Variants in PRKAG2 observed in about 807,000 individuals in gnomAD.
PRKAG2 encodes 5'-AMP-activated protein kinase subunit gamma-2.
PRKAG2 carries 26 observed loss-of-function variants against 69.6 expected under a neutral mutation model. That is an observed-to-expected ratio of 0.37 (90% CI 0.27 to 0.52). The LOEUF is 0.52. Ranked by LOEUF, PRKAG2 falls within the 20% of genes least tolerant of loss-of-function variation. The pLI is 0.90. For synonymous variants in PRKAG2, 293 were observed against 285.0 expected, an observed-to-expected ratio of 1.03 and a Z score of -0.28; for missense variants, 557 against 740.0, an observed-to-expected ratio of 0.75 and a Z score of 2.87.
chr7:151,656,406 A>G (rs1829424073), intron 4 of PRKAG2, among the ~76,000 whole-genome samples: 1 of 152,088 alleles, frequency 6.6e-6, no homozygotes. Flanking sequence ...TAATACAAAC[A>G]TTAGCTGCAC....
At chr7:151,629,312 G>A (rs1823806116) in intron 5 of PRKAG2, among the ~76,000 whole-genome samples, 1 of 152,132 alleles carries the variant, frequency 6.6e-6, no homozygotes, top group African/African-American at 2.4e-5. Flanking sequence ...CCCTGTGCTA[G>A]GCAAGTCCCA....
At chr7:151,601,387 G>A (rs1816034438) in intron 5 of PRKAG2, among the ~76,000 whole-genome samples, 1 of 152,094 alleles carries the variant, frequency 6.6e-6, no homozygotes, top group East Asian at 1.9e-4. Flanking sequence ...TTATTTGAAT[G>A]ATCAGTATCT....
intron 3 of PRKAG2, among the ~76,000 whole-genome samples, chr7:151,706,830 G>A (rs564516720): frequency 5.9e-5 from 9 of 152,214 alleles, no homozygotes; most frequent in African/African-American, 1.9e-4. Flanking sequence ...CGGAGGCCAC[G>A]GTGGTTCCCC....
intron 5 of PRKAG2, among the ~76,000 whole-genome samples, chr7:151,621,055 A>G (rs1222617665): frequency 6.6e-6 from 1 of 152,228 alleles, no homozygotes; most frequent in Non-Finnish European, 1.5e-5. Flanking sequence ...TTGCATTTCT[A>G]AGATAAACCT....
At chr7:151,870,019 A>G (rs1164922732) in intron 1 of PRKAG2, among the ~76,000 whole-genome samples, 3 of 152,190 alleles carry the variant, frequency 2.0e-5, no homozygotes, top group Admixed American at 6.5e-5. Context: ...TTGGGCATTC[A>G]TCTTTATTTG....
Position 151,557,232 on chromosome 7 carries a change from C to T in PRKAG2, c.1679G>A (p.Gly560Asp), listed in dbSNP as rs750042984. Residue 560 changes from glycine to aspartate, a missense_variant and splice_region_variant, in exon 16 of 16, where the codon GGT (glycine) becomes GAT (aspartate). Physicochemically the swap from Gly to Asp is moderately conservative, Grantham distance 94. This residue lies in a region of PRKAG2 where 205 missense variants were observed against 383.4 expected (regional missense o/e 0.53). Transcript: ENST00000287878. ...CGTTTCTGTCTCCTTTTGTTTGGCA[C>T]CTGTCAGTGGATGGAAGATGAAAGT... ...ILQALILTPA[G>D]AKQKETETE 6.2e-7 allele frequency: 1 copy of T among 1,614,100 alleles called. No individual in the cohort carries two copies. Among genetic ancestry groups the T allele is most frequent in the Admixed American group, 1.7e-5 (1 of 60,012 alleles).
chr7:151,689,681 G>A (rs994169349), intron 3 of PRKAG2, among the ~76,000 whole-genome samples: 49 of 152,284 alleles, frequency 3.2e-4, no homozygotes, highest in Middle Eastern at 3.4e-3. Context: ...CCCTTCCTGG[G>A]GTGCTGGCTG....
intron 3 of PRKAG2, among the ~76,000 whole-genome samples, chr7:151,677,138 T>C (rs959352116): frequency 1.3e-5 from 2 of 152,216 alleles, no homozygotes; most frequent in Non-Finnish European, 2.9e-5. Context: ...GCATGGATTG[T>C]GTTCTAAGAG....
chr7:151,840,882 C>T (rs1351709821), intron 1 of PRKAG2, among the ~76,000 whole-genome samples: 1 of 152,218 alleles, frequency 6.6e-6, no homozygotes, highest in Non-Finnish European at 1.5e-5. Flanking sequence ...ACCTACAGTC[C>T]CAGCTACTTG....
chr7:151,574,775 A>G (rs2151034042), intron 8 of PRKAG2, 116 bp downstream of exon 8: 1 of 1,470,860 alleles, frequency 6.8e-7, no homozygotes, highest in Non-Finnish European at 9.2e-7. Context: ...TCAGCACACC[A>G]TACCAAAAAA....
chr7:151,786,418 C>T, intron 2 of PRKAG2, 52 bp downstream of exon 2: 2 of 1,528,278 alleles, frequency 1.3e-6, no homozygotes, highest in East Asian at 4.6e-5. Flanking sequence ...CTCTGCCTGC[C>T]TCCGTGGCAC....
intron 3 of PRKAG2, among the ~76,000 whole-genome samples, chr7:151,754,858 C>G (rs2074970295): frequency 6.6e-6 from 1 of 152,126 alleles, no homozygotes; most frequent in African/African-American, 2.4e-5. Flanking sequence ...TCCCTTCCTT[C>G]CGAAGGCCAC....
At chr7:151,692,011 A>G (rs1835737299) in intron 3 of PRKAG2, among the ~76,000 whole-genome samples, 1 of 152,058 alleles carries the variant, frequency 6.6e-6, no homozygotes, top group African/African-American at 2.4e-5. Flanking sequence ...ACATAGTGGG[A>G]CCCCATCTCT....
intron 3 of PRKAG2, among the ~76,000 whole-genome samples, chr7:151,741,674 CA>C (rs33969514): frequency 0.061 from 7,761 of 126,528 alleles, 635 homozygotes; most frequent in African/African-American, 0.19. Context: ...AACTCTGTCT[CA>C]AAAAAAAAAA....
At chr7:151,821,864 C>T (rs1435882565) in intron 1 of PRKAG2, among the ~76,000 whole-genome samples, 1 of 152,124 alleles carries the variant, frequency 6.6e-6, no homozygotes, top group African/African-American at 2.4e-5. Flanking sequence ...TTATGCCCAC[C>T]CCACAGGGTT....
At chr7:151,798,439 C>G (rs138077722) in intron 1 of PRKAG2, among the ~76,000 whole-genome samples, 2 of 151,588 alleles carry the variant, frequency 1.3e-5, no homozygotes, top group East Asian at 2.0e-4. Context: ...CTCAGTCTCC[C>G]AAGTAGCTGG....
intron 3 of PRKAG2, among the ~76,000 whole-genome samples, chr7:151,714,486 C>G (rs1225129179): frequency 7.2e-6 from 1 of 138,498 alleles, no homozygotes; most frequent in African/African-American, 2.9e-5. Context: ...CTCCCATCCA[C>G]GCACCACGTC....
At chr7:151,674,148 T>A (rs189164641) in intron 4 of PRKAG2, among the ~76,000 whole-genome samples, 119 of 152,298 alleles carry the variant, frequency 7.8e-4, no homozygotes, top group Admixed American at 1.3e-3. Context: ...TGGCCTTGTA[T>A]TCTTATAAGA....
intron 1 of PRKAG2, among the ~76,000 whole-genome samples, chr7:151,796,468 T>A (rs1013327883): frequency 6.6e-6 from 1 of 152,152 alleles, no homozygotes; most frequent in African/African-American, 2.4e-5. Flanking sequence ...AATCACAGGT[T>A]TAGAAAAGCA....
Sources: gnomAD v4.1 joint callset for allele counts (sites outside exome capture counted in the v4.1 genomes callset) on GRCh38, gnomAD v4.1.1 for gene constraint, gnomAD v4.1.1 regional missense constraint, MANE v1.5 for transcripts, NCBI Gene and HGNC (gene_info 2026-07-23, HGNC 2026-07-21) for gene names.